The following CELF2 variants were observed in gnomAD, a reference collection of about 807,000 sequenced individuals.
The protein encoded by CELF2 is CUGBP Elav-like family member 2, also known as CUG triplet repeat RNA-binding protein 2.
In CELF2, 8 loss-of-function variants were observed where a neutral mutation model predicts 62.6. The observed-to-expected ratio is 0.13, with a 90% CI of 0.07 to 0.23. The LOEUF (loss-of-function observed/expected upper bound fraction) is 0.23. Ranked by LOEUF, CELF2 falls within the 10% of genes least tolerant of loss-of-function variation. CELF2 has a pLI of 1.00. For synonymous variants in CELF2, 258 were observed against 250.0 expected, an observed-to-expected ratio of 1.03 and a Z score of -0.30; for missense variants, 333 against 671.0, an observed-to-expected ratio of 0.50 and a Z score of 5.56.
rs915012910 is a variant in CELF2, at chr10:10,995,437, A to G, written c.89+75438A>G. The stretch of plus-strand genomic sequence containing the variant: ...CTGAAGGATACACAGAAATAAACCC[A>G]GTCACAGGGTGGGGATCACTGGAGA... On this transcript the variant is annotated intron_variant, in intron 2 of 13. Coordinates refer to the CELF2 transcript ENST00000636488. The surrounding 1 kb of genome is among the most constrained non-coding windows in gnomAD (Gnocchi z 4.7). 5.3e-5 allele frequency among the ~76,000 whole-genome samples: 8 copies of G among 152,334 alleles called. No homozygotes were observed. Among genetic ancestry groups the G allele is most frequent in the African/African-American group, 1.9e-4 (8 of 41,584 alleles).
In CELF2 at chr10:11,117,701, G is replaced by C. The variant is rs1215983641; in HGVS notation, c.75-47785G>C. On this transcript the variant is annotated intron_variant, in intron 1 of 12. Coordinates refer to ENST00000633077, the MANE Select transcript of CELF2 (RefSeq NM_001326342.2). This position sits in a 1 kb window ranked among gnomAD's most constrained non-coding sequence, Gnocchi z 4.1. ...GGTGATGAATGACAAAATCACCCAA[G>C]TATTTTTAAAATGTGTGACTCTCCA... is the stretch of plus-strand genomic sequence containing the variant. 6.6e-6 allele frequency among the ~76,000 whole-genome samples: 1 copy of C among 152,188 alleles called. No homozygotes were observed. The highest frequency in any genetic ancestry group is 2.4e-5 in the African/African-American group (1 of 41,446).
At chr10:10,705,469 A>G in the CELF2 span, among the ~76,000 whole-genome samples, 4 of 152,024 alleles carry the variant, frequency 2.6e-5, no homozygotes, top group Non-Finnish European at 5.9e-5. Context: ...GTGGGATGAA[A>G]GGCTGTGATT....
intron 4 of CELF2, among the ~76,000 whole-genome samples, chr10:11,256,106 T>C (rs1036324765): frequency 2.6e-5 from 4 of 152,248 alleles, no homozygotes; most frequent in African/African-American, 9.6e-5. Context: ...AAGAGGAGCC[T>C]TTAGCTGTCT....
At chr10:11,166,571 T>G (rs1179535362) in intron 2 of CELF2, among the ~76,000 whole-genome samples, 1 of 152,238 alleles carries the variant, frequency 6.6e-6, no homozygotes, top group Non-Finnish European at 1.5e-5. Context: ...TTCTTCTTTC[T>G]CTGTTGTTGA....
intron 2 of CELF2, among the ~76,000 whole-genome samples, chr10:10,985,453 A>G (rs1441334093): frequency 6.6e-6 from 1 of 152,168 alleles, no homozygotes; most frequent in African/African-American, 2.4e-5. Flanking sequence ...CTTTCTTAAA[A>G]TCCTGAGAAG....
chr10:11,320,813 C>G, intron 10 of CELF2: 1 of 1,517,026 alleles, frequency 6.6e-7, no homozygotes, highest in South Asian at 1.2e-5. Context: ...TGTTACAGGC[C>G]TCTGCTACTA....
chr10:10,728,563 G>T, the CELF2 span, among the ~76,000 whole-genome samples: 1,003 of 152,204 alleles, frequency 6.6e-3, 3 homozygotes, highest in East Asian at 0.021. Context: ...TGCTCTGGAG[G>T]TTCTCAGAAG....
At chr10:11,153,320 G>A (rs534838458) in intron 1 of CELF2, among the ~76,000 whole-genome samples, 1 of 152,218 alleles carries the variant, frequency 6.6e-6, no homozygotes, top group African/African-American at 2.4e-5. Flanking sequence ...GCACAGAGCT[G>A]CTTGTCACCG....
rs1013498384 is a variant in CELF2 at position 11,214,485 on chromosome 10, T to A, written c.272-2940T>A. Among the ~76,000 whole-genome samples the A allele has an allele frequency of 6.6e-6, 1 of 152,124 alleles. No individual in the cohort carries two copies. The highest frequency in any genetic ancestry group is 1.5e-5 in the Non-Finnish European group (1 of 68,006). ...AAGGGTATCCTACTGAGGCCGTGAA[T>A]AGAGTAGAAATCCAGGCTGGGATGG... is the stretch of plus-strand genomic sequence containing the variant. On this transcript the variant is annotated intron_variant, in intron 2 of 12. Transcript: ENST00000633077. The surrounding 1 kb of genome is among the most constrained non-coding windows in gnomAD (Gnocchi z 4.2).
rs2066677822 is a variant in CELF2 at position 11,165,156 on chromosome 10, C to T, written c.75-330C>T. The T allele has an allele frequency of 9.0e-7, 1 of 1,105,400 alleles. No homozygotes were observed. Among genetic ancestry groups the T allele is most frequent in the South Asian group, 2.7e-5 (1 of 36,440 alleles). 68.5% of individuals were successfully genotyped at this position (1,105,400 alleles called of 1,614,324 possible). Reference sequence around the variant, plus strand: ...TAAGGCGCTGATGCGTTGATGGCAGCCTTGCAGAGCTAGACCTGCACTTAA... The same window carrying T: ...TAAGGCGCTGATGCGTTGATGGCAGTCTTGCAGAGCTAGACCTGCACTTAA... On this transcript the variant is annotated intron_variant, in intron 1 of 12. Transcript: ENST00000633077. This position sits in a 1 kb window ranked among gnomAD's most constrained non-coding sequence, Gnocchi z 7.4.
At chr10:11,218,454 A>T (rs915304106) in intron 3 of CELF2, among the ~76,000 whole-genome samples, 1 of 152,244 alleles carries the variant, frequency 6.6e-6, no homozygotes, top group African/African-American at 2.4e-5. Flanking sequence ...ACATGCACAC[A>T]TAACCATTGA....
At chr10:10,946,533 A>G (rs913063377) in intron 2 of CELF2, 11 of 152,608 alleles carry the variant, frequency 7.2e-5, no homozygotes, top group African/African-American at 2.7e-4. Context: ...CCCTGCAAAT[A>G]ATCTTGGCCT....
At chr10:10,827,153 A>T (rs1384561643) in intron 1 of CELF2, among the ~76,000 whole-genome samples, 3 of 152,104 alleles carry the variant, frequency 2.0e-5, no homozygotes, top group Non-Finnish European at 2.9e-5. Flanking sequence ...GGAAATTCTG[A>T]TATTTTGACC....
chr10:11,068,413 C>T (rs866057088), intron 1 of CELF2, among the ~76,000 whole-genome samples: 1 of 152,274 alleles, frequency 6.6e-6, no homozygotes, highest in East Asian at 1.9e-4. Flanking sequence ...CTGCAACCCT[C>T]AGTATACCAT....
At chr10:10,973,590 A>C (rs2051001745) in intron 2 of CELF2, among the ~76,000 whole-genome samples, 2 of 152,140 alleles carry the variant, frequency 1.3e-5, no homozygotes, top group Admixed American at 1.3e-4. Context: ...CATGACCCAG[A>C]AAGTCTCACT....
chr10:10,886,103 A>G (rs963064510), intron 1 of CELF2, among the ~76,000 whole-genome samples: 1 of 152,032 alleles, frequency 6.6e-6, no homozygotes, highest in Non-Finnish European at 1.5e-5. Context: ...ATCCAGGGTC[A>G]TTTTCTTTCC....
the CELF2 span, among the ~76,000 whole-genome samples, chr10:10,574,638 G>A: frequency 1.3e-5 from 2 of 152,148 alleles, no homozygotes; most frequent in Non-Finnish European, 2.9e-5. Context: ...TCTCGTATTT[G>A]TGAAGTATAA....
At chr10:10,517,050 G>C in the CELF2 span, among the ~76,000 whole-genome samples, 2 of 152,158 alleles carry the variant, frequency 1.3e-5, no homozygotes, top group African/African-American at 4.8e-5. Context: ...TGTGGAAACA[G>C]CAGTGCATGA....
chr10:11,089,589 G>A (rs7907550), intron 1 of CELF2, among the ~76,000 whole-genome samples: 37,603 of 152,042 alleles, frequency 0.25, 4,937 homozygotes, highest in Middle Eastern at 0.3. Flanking sequence ...TATGGTCTTT[G>A]AAAGAGGTTT....
Sources: gnomAD v4.1 joint callset for allele counts (sites outside exome capture counted in the v4.1 genomes callset) on GRCh38, gnomAD v4.1.1 for gene constraint, Gnocchi (gnomAD v3.1) non-coding constraint, MANE v1.5 for transcripts, NCBI Gene and HGNC (gene_info 2026-07-23, HGNC 2026-07-21) for gene names.